Variants in DIAPH3 observed in about 807,000 individuals in gnomAD.
DIAPH3 encodes the protein diaphanous related formin 3.
Under a neutral mutation model 144.3 loss-of-function variants are expected in DIAPH3, and 117 were observed. That is an observed-to-expected ratio of 0.81 (90% CI 0.70 to 0.95). DIAPH3 has a LOEUF of 0.95. Among genes scored for constraint, DIAPH3 ranks in the 40% least tolerant of loss-of-function variants. The pLI is 0.00. For synonymous variants in DIAPH3, 519 were observed against 488.9 expected, an observed-to-expected ratio of 1.06 and a Z score of -0.81; for missense variants, 1,421 against 1,412.7, an observed-to-expected ratio of 1.01 and a Z score of -0.09.
chr13:60,152,871 G>A (rs1467117892), intron 1 of DIAPH3, among the ~76,000 whole-genome samples: 1 of 151,992 alleles, frequency 6.6e-6, no homozygotes, highest in Non-Finnish European at 1.5e-5. Context: ...AAAGGACTAA[G>A]GTGAAAAACA....
At chr13:59,734,735 C>A (rs909679854) in intron 27 of DIAPH3, among the ~76,000 whole-genome samples, 4 of 152,206 alleles carry the variant, frequency 2.6e-5, no homozygotes, top group African/African-American at 9.6e-5. Context: ...AATAGCAATT[C>A]CACCATGCAG....
intron 21 of DIAPH3, among the ~76,000 whole-genome samples, chr13:59,873,677 C>CTT (rs57461813): frequency 7.8e-6 from 1 of 128,912 alleles, no homozygotes; most frequent in East Asian, 2.1e-4. Context: ...ACCACTTTTT[C>CTT]TTTTTTTTTT....
At chr13:59,890,278 C>T (rs948920118) in intron 20 of DIAPH3, among the ~76,000 whole-genome samples, 7 of 152,094 alleles carry the variant, frequency 4.6e-5, no homozygotes, top group African/African-American at 1.7e-4. Context: ...ATCTTTGCCT[C>T]CTCAGCTCAG....
intron 4 of DIAPH3, among the ~76,000 whole-genome samples, chr13:60,049,734 A>G (rs988053079): frequency 6.6e-6 from 1 of 152,252 alleles, no homozygotes; most frequent in African/African-American, 2.4e-5. Flanking sequence ...ATGCAGACAC[A>G]GGAGTGACGT....
intron 27 of DIAPH3, among the ~76,000 whole-genome samples, chr13:59,769,388 C>T (rs1222251285): frequency 6.6e-6 from 1 of 152,112 alleles, no homozygotes; most frequent in Non-Finnish European, 1.5e-5. Flanking sequence ...TTCTGCTTCT[C>T]CTTCACTTCA....
chr13:59,900,819 G>C (rs1471547702), intron 20 of DIAPH3, among the ~76,000 whole-genome samples: 1 of 152,104 alleles, frequency 6.6e-6, no homozygotes, highest in Admixed American at 6.5e-5. Context: ...GAGGTCAACA[G>C]ACCCTTAGTT....
chr13:60,104,017 T>C (rs1238128964), intron 3 of DIAPH3, among the ~76,000 whole-genome samples: 1 of 152,202 alleles, frequency 6.6e-6, no homozygotes, highest in Non-Finnish European at 1.5e-5. Context: ...TTATACACTG[T>C]TGAACAGGGC....
chr13:60,010,868 G>A (rs375267870), intron 7 of DIAPH3, among the ~76,000 whole-genome samples, 199 bp from the exon 8 acceptor site: 6 of 152,132 alleles, frequency 3.9e-5, no homozygotes, highest in African/African-American at 1.4e-4. Context: ...AACTTTGGGA[G>A]GCAGAGGCGG....
intron 4 of DIAPH3, among the ~76,000 whole-genome samples, chr13:60,076,955 A>G (rs1388899825): frequency 6.6e-6 from 1 of 152,152 alleles, no homozygotes; most frequent in African/African-American, 2.4e-5. Context: ...GTATATATAA[A>G]TCATACACCT....
intron 10 of DIAPH3, 77 bp downstream of exon 10, chr13:59,992,396 G>A: frequency 8.0e-7 from 1 of 1,244,164 alleles, no homozygotes; most frequent in East Asian, 2.5e-5. Flanking sequence ...TATTCTTCAA[G>A]GTAATTTATC....
chr13:59,928,740 A>T (rs1027097272), intron 17 of DIAPH3, among the ~76,000 whole-genome samples: 1 of 152,068 alleles, frequency 6.6e-6, no homozygotes, highest in Admixed American at 6.6e-5. Flanking sequence ...GAAGAGCCAA[A>T]CCCAAGGTGG....
At chr13:59,735,508 C>T (rs1399152235) in intron 27 of DIAPH3, among the ~76,000 whole-genome samples, 3 of 152,090 alleles carry the variant, frequency 2.0e-5, no homozygotes, top group Non-Finnish European at 4.4e-5. Context: ...AGGTATCTTT[C>T]ACAGTACAAA....
chr13:59,751,950 T>G (rs1566260286), intron 27 of DIAPH3, among the ~76,000 whole-genome samples: 1 of 152,212 alleles, frequency 6.6e-6, no homozygotes, highest in East Asian at 1.9e-4. Context: ...CCAGTAACAC[T>G]TCTTAATGAG....
chr13:59,940,446 A>G (rs1283516168), intron 17 of DIAPH3, among the ~76,000 whole-genome samples: 1 of 152,206 alleles, frequency 6.6e-6, no homozygotes, highest in Admixed American at 6.5e-5. Context: ...GCAGAACAGA[A>G]CAATACTAAA....
chr13:59,942,115 G>C (rs563771935), intron 17 of DIAPH3, among the ~76,000 whole-genome samples: 1 of 152,162 alleles, frequency 6.6e-6, no homozygotes, highest in Admixed American at 6.5e-5. Context: ...CCTCAAATTT[G>C]AGCAAATATT....
In DIAPH3 at chr13:59,665,878, T is replaced by G. The variant is rs944955901; in HGVS notation, c.*706A>C. On this transcript the variant is annotated 3_prime_UTR_variant, in exon 28 of 28. Coordinates refer to ENST00000400324, the MANE Select transcript of DIAPH3 (RefSeq NM_001042517.2). Reference sequence around the variant, plus strand: ...CCAAGATCAAGAATTTCGGCAGCACTGCAATTCTGTTTACATCCACGTTAC... The same window carrying G: ...CCAAGATCAAGAATTTCGGCAGCACGGCAATTCTGTTTACATCCACGTTAC... 1.3e-5 allele frequency: 2 copies of G among 152,448 alleles called. No individual in the cohort carries two copies. The highest frequency in any genetic ancestry group is 2.9e-5 in the Non-Finnish European group (2 of 68,030). 9.4% of individuals were successfully genotyped at this position (152,448 alleles called of 1,614,324 possible). A position where few individuals can be genotyped will look rare whatever the true frequency, so the allele number is the denominator to read the frequency against.
intron 1 of DIAPH3, among the ~76,000 whole-genome samples, chr13:60,157,879 A>C (rs1374755541): frequency 6.6e-6 from 1 of 152,140 alleles, no homozygotes; most frequent in Non-Finnish European, 1.5e-5. Flanking sequence ...CCATACATGT[A>C]GGGTTCAGAA....
rs569320843 is a variant in DIAPH3, at chr13:60,029,774, C to T, written c.626+12916G>A. On this transcript the variant is annotated intron_variant, in intron 5 of 27. Coordinates refer to ENST00000400324, the MANE Select transcript of DIAPH3 (RefSeq NM_001042517.2). ...ATAGCAGCCTGAGAACACACTAATA[C>T]ACTTCCTGTGGCAGTTAAAGTGATC... Among the ~76,000 whole-genome samples, 38 of 152,292 alleles carry T rather than the reference C, an allele frequency of 2.5e-4. No individual in the cohort carries two copies. The South Asian group carries it at 7.7e-3, about 31-fold the overall frequency.
chr13:59,752,367 A>AT (rs57731997), intron 27 of DIAPH3, among the ~76,000 whole-genome samples: 5,367 of 139,464 alleles, frequency 0.038, 209 homozygotes, highest in African/African-American at 0.098. Flanking sequence ...AATGTAGTCA[A>AT]TTTTTTTTTT....
Sources: gnomAD v4.1 joint callset for allele counts (sites outside exome capture counted in the v4.1 genomes callset) on GRCh38, gnomAD v4.1.1 for gene constraint, MANE v1.5 for transcripts, NCBI Gene and HGNC (gene_info 2026-07-23, HGNC 2026-07-21) for gene names.